ARHGAP12: variants seen among roughly 807,000 people sequenced by gnomAD.
ARHGAP12 encodes Rho GTPase activating protein 12.
A neutral mutation model predicts 108.6 loss-of-function variants in ARHGAP12; 64 were observed. The ratio of observed to expected loss-of-function variants is 0.59; its 90% confidence interval spans 0.48 to 0.73. The LOEUF is 0.73. Among genes scored for constraint, ARHGAP12 ranks in the 30% least tolerant of loss-of-function variants. The pLI, the probability that ARHGAP12 is intolerant of heterozygous loss-of-function variation, is 0.00. For synonymous variants in ARHGAP12, 312 were observed against 337.2 expected (o/e 0.93, Z 0.82); for missense variants, 940 against 1,005.9 (o/e 0.93, Z 0.89).
intron 3 of ARHGAP12, among the ~76,000 whole-genome samples, chr10:31,890,661 G>A (rs1412262673): frequency 6.6e-6 from 1 of 152,164 alleles, no homozygotes; most frequent in African/African-American, 2.4e-5. Context: ...TCAGCAGCAA[G>A]CTAGGATTTG....
chr10:31,855,669 G>A (rs1836860509), intron 4 of ARHGAP12, among the ~76,000 whole-genome samples: 1 of 152,162 alleles, frequency 6.6e-6, no homozygotes, highest in Admixed American at 6.5e-5. Flanking sequence ...TAGACGAGAA[G>A]AGTGCAGTAA....
At chr10:31,908,140 A>G (rs748399637) in intron 3 of ARHGAP12, 32 bp downstream of exon 3, 3 of 1,515,470 alleles carry the variant, frequency 2.0e-6, no homozygotes, top group Admixed American at 4.4e-5. Flanking sequence ...CTAGGGTGGT[A>G]CAGTGTTTCC....
chr10:31,812,876 T>C, intron 14 of ARHGAP12, 53 bp from the exon 15 acceptor site: 1 of 1,035,708 alleles, frequency 9.7e-7, no homozygotes. Context: ...GTTTTTTTGA[T>C]ACAAGTTTTT....
chr10:31,834,669 T>C (rs1333167876), intron 9 of ARHGAP12, among the ~76,000 whole-genome samples: 1 of 152,238 alleles, frequency 6.6e-6, no homozygotes, highest in Admixed American at 6.5e-5. Context: ...GAACCACATC[T>C]GTTATGTTCA....
intron 1 of ARHGAP12, among the ~76,000 whole-genome samples, chr10:31,920,122 A>C (rs1839730524): frequency 6.7e-6 from 1 of 150,006 alleles, no homozygotes; most frequent in African/African-American, 2.4e-5. Context: ...AAAAAAAAGT[A>C]AATACTAAAA....
chr10:31,816,580 T>C (rs766243456), intron 13 of ARHGAP12, among the ~76,000 whole-genome samples: 1 of 152,122 alleles, frequency 6.6e-6, no homozygotes, highest in Non-Finnish European at 1.5e-5. Flanking sequence ...TGACTAGAGC[T>C]GAAAGTCCAT....
At chr10:31,826,211 A>T (rs1178361709) in intron 11 of ARHGAP12, 93 bp downstream of exon 11, 1 of 966,262 alleles carries the variant, frequency 1.0e-6, no homozygotes, top group African/African-American at 1.7e-5. Flanking sequence ...AGCTATAACT[A>T]TAAGGACTCT....
At chr10:31,906,121 G>T (rs781011507) in intron 3 of ARHGAP12, among the ~76,000 whole-genome samples, 2 of 152,148 alleles carry the variant, frequency 1.3e-5, no homozygotes, top group Non-Finnish European at 2.9e-5. Context: ...AAGCAGCCAT[G>T]AAGAGGCCCA....
At chr10:31,876,531 A>AAAACAG (rs1837739199) in intron 3 of ARHGAP12, among the ~76,000 whole-genome samples, 1 of 144,074 alleles carries the variant, frequency 6.9e-6, no homozygotes, top group Non-Finnish European at 1.5e-5. Flanking sequence ...AACAAAAACA[A>AAAACAG]AAACAAAAAA....
chr10:31,856,472 C>T (rs573272747), intron 4 of ARHGAP12, among the ~76,000 whole-genome samples: 4 of 152,266 alleles, frequency 2.6e-5, no homozygotes, highest in East Asian at 1.9e-4. Context: ...ACAAATTTTG[C>T]TCCTTTATTC....
At chr10:31,846,241 T>C (rs1836457642) in intron 6 of ARHGAP12, among the ~76,000 whole-genome samples, 1 of 152,234 alleles carries the variant, frequency 6.6e-6, no homozygotes, top group African/African-American at 2.4e-5. Context: ...ATGTTATAAT[T>C]TTTGTTTCAA....
intron 3 of ARHGAP12, among the ~76,000 whole-genome samples, chr10:31,898,200 T>C (rs1417354077): frequency 1.3e-5 from 2 of 152,078 alleles, no homozygotes; most frequent in Admixed American, 6.6e-5. Context: ...CTAAACTATA[T>C]AACGAATTCT....
intron 11 of ARHGAP12, among the ~76,000 whole-genome samples, chr10:31,820,752 A>AT (rs1304232895): frequency 1.3e-5 from 2 of 148,564 alleles, no homozygotes; most frequent in Non-Finnish European, 3.0e-5. Context: ...CCAAACTGAA[A>AT]TTTTTTTTAC....
chr10:31,908,467 C>T lies in ARHGAP12; in HGVS notation c.389G>A (p.Arg130His), dbSNP rs542690709. ...SSSVQGTGLI[R>H]DANQNFGPSY... ...GGGTCCAAAATTCTGATTGGCATCA[C>T]GAATAAGACCTGTTCCTTGAACAGA... The change falls in exon 3 of 20, where the codon CGT becomes CAT. Residue 130 changes from arginine to histidine, a missense_variant. Physicochemically the swap from Arg to His is conservative, Grantham distance 29. Coordinates refer to ENST00000344936, the MANE Select transcript of ARHGAP12 (RefSeq NM_018287.7). The T allele has an allele frequency of 4.7e-4, 757 of 1,614,182 alleles. 16 individuals carry two copies. The South Asian group carries it at 7.7e-3, about 16-fold the overall frequency.
In ARHGAP12 at chr10:31,810,877, T is replaced by C. The variant is rs990348176; in HGVS notation, c.1952-130A>G. On this transcript the variant is annotated intron_variant, in intron 15 of 19. Transcript: ENST00000344936. ...TTGTTTAACATGGCCCTATGCCTTA[T>C]GCAATATGCATCTTGCCTACTTCTT... is the stretch of plus-strand genomic sequence containing the variant. The C allele has an allele frequency of 2.5e-5, 16 of 649,542 alleles. No homozygotes were observed. The African/African-American group carries it at 2.7e-4, about 11-fold the overall frequency. The allele number at this position is 649,542 out of a possible 1,614,324, so 40.2% of individuals were successfully genotyped here. A position where few individuals can be genotyped will look rare whatever the true frequency, so the allele number is the denominator to read the frequency against.
intron 11 of ARHGAP12, among the ~76,000 whole-genome samples, chr10:31,821,868 G>A (rs1056813103): frequency 3.3e-5 from 5 of 152,082 alleles, no homozygotes; most frequent in African/African-American, 1.2e-4. Flanking sequence ...TAAACATAAA[G>A]CTATATGTTG....
chr10:31,822,581 GAATGCTTTATAGAATTTATCTT>G (rs1234451732), intron 11 of ARHGAP12, among the ~76,000 whole-genome samples: 7 of 152,156 alleles, frequency 4.6e-5, no homozygotes, highest in Non-Finnish European at 8.8e-5. Flanking sequence ...TTTTTAAGAT[GAATGCTTTATAGAATTTATCTT>G]AAACAGACTT....
chr10:31,923,444 G>A (rs1839902281), intron 1 of ARHGAP12, among the ~76,000 whole-genome samples: 1 of 152,082 alleles, frequency 6.6e-6, no homozygotes, highest in Non-Finnish European at 1.5e-5. Flanking sequence ...CATGATTCAG[G>A]GATTTTCCTC....
At chr10:31,903,732 T>TGTAAAAAAAA (rs1207959592) in intron 3 of ARHGAP12, among the ~76,000 whole-genome samples, 1 of 148,822 alleles carries the variant, frequency 6.7e-6, no homozygotes, top group Non-Finnish European at 1.5e-5. Flanking sequence ...ATCTAAACTA[T>TGTAAAAAAAA]GTAAAAAAAA....
Sources: allele counts gnomAD v4.1 joint callset (sites outside exome capture counted in the v4.1 genomes callset), GRCh38; gene constraint gnomAD v4.1.1; transcripts MANE v1.5; gene names NCBI Gene and HGNC (gene_info 2026-07-23, HGNC 2026-07-21).